The following CDH4 variants were observed in gnomAD, a reference collection of about 807,000 sequenced individuals.
CDH4 encodes cadherin 4.
Under a neutral mutation model 86.0 loss-of-function variants are expected in CDH4, and 33 were observed. That is an observed-to-expected ratio of 0.38 (90% CI 0.29 to 0.51). The LOEUF (loss-of-function observed/expected upper bound fraction) is 0.51. CDH4 is among the 20% of genes least tolerant of loss of function. The pLI is 0.86. For missense variants in CDH4, 1,114 were observed against 1,307.4 expected, an observed-to-expected ratio of 0.85 and a Z score of 2.28; for synonymous variants, 555 against 549.4, an observed-to-expected ratio of 1.01 and a Z score of -0.14.
At chr20:61,804,085 G>C (rs1979988012) in intron 4 of CDH4, among the ~76,000 whole-genome samples, 1 of 152,264 alleles carries the variant, frequency 6.6e-6, no homozygotes. Flanking sequence ...TGTTGGTAAG[G>C]AGGCACGACA....
At chr20:61,757,194 T>C (rs1304847584) in intron 3 of CDH4, among the ~76,000 whole-genome samples, 1 of 152,046 alleles carries the variant, frequency 6.6e-6, no homozygotes, top group Non-Finnish European at 1.5e-5. Flanking sequence ...AGAGCGTGTA[T>C]TGGTATCTCC....
rs117324637 is a variant in CDH4 at position 61,523,575 on chromosome 20, A to G, written c.170-219988A>G. Among the ~76,000 whole-genome samples the G allele has an allele frequency of 6.1e-3, 936 of 152,334 alleles. 8 individuals are homozygous for G. The highest frequency in any genetic ancestry group is 0.014 in the Middle Eastern group (4 of 294). On this transcript the variant is annotated intron_variant, in intron 2 of 15. Transcript: ENST00000614565. ...CTTTTTACTAAGGTTCATTCTATAA[A>G]CACCAGGGCAGATTGCAGCTGTCGT...
chr20:61,758,926 T>C lies in CDH4; in HGVS notation c.397-14077T>C, dbSNP rs527860515. On this transcript the variant is annotated intron_variant, in intron 3 of 15. Transcript: ENST00000614565. ...ACTAGAGCTGGTGTGTGTGTGCACCTGTGTGCATGGGTGTACACATGTATA... is the reference window on the plus strand; with the variant it reads ...ACTAGAGCTGGTGTGTGTGTGCACCCGTGTGCATGGGTGTACACATGTATA... Among the ~76,000 whole-genome samples, 3 of 152,308 alleles carry C rather than the reference T, an allele frequency of 2.0e-5. 1 individual carries two copies. The East Asian group carries it at 5.8e-4, about 30-fold the overall frequency.
At chr20:61,812,868 A>C (rs1444217306) in intron 4 of CDH4, among the ~76,000 whole-genome samples, 1 of 152,166 alleles carries the variant, frequency 6.6e-6, no homozygotes, top group Non-Finnish European at 1.5e-5. Flanking sequence ...CCTGCAGGCC[A>C]CCTGCACAGC....
chr20:61,553,505 T>G (rs190714740), intron 2 of CDH4, among the ~76,000 whole-genome samples: 1 of 152,348 alleles, frequency 6.6e-6, no homozygotes, highest in East Asian at 1.9e-4. Context: ...CTATTGCAGA[T>G]AAAGACGTGT....
At chr20:61,898,432 G>A (rs958145463) in intron 8 of CDH4, among the ~76,000 whole-genome samples, 3 of 152,202 alleles carry the variant, frequency 2.0e-5, no homozygotes, top group Non-Finnish European at 2.9e-5. Context: ...GGTCTGCTGC[G>A]CTAGAAGCTG....
intron 2 of CDH4, among the ~76,000 whole-genome samples, chr20:61,497,889 G>A (rs2085673607): frequency 6.6e-6 from 1 of 152,000 alleles, no homozygotes; most frequent in Admixed American, 6.5e-5. Flanking sequence ...AAAAAAGGAT[G>A]CGTTCATGTC....
At chr20:61,737,445 G>A (rs750670282) in intron 2 of CDH4, among the ~76,000 whole-genome samples, 52 of 152,102 alleles carry the variant, frequency 3.4e-4, no homozygotes, top group African/African-American at 5.6e-4. Flanking sequence ...CACCCTGCAC[G>A]GCTCCCCATC....
At chr20:61,502,715 A>G (rs771118833) in intron 2 of CDH4, among the ~76,000 whole-genome samples, 1 of 152,250 alleles carries the variant, frequency 6.6e-6, no homozygotes, top group Non-Finnish European at 1.5e-5. Flanking sequence ...ACAGTCGCCA[A>G]CATCACGAAG....
intron 14 of CDH4, among the ~76,000 whole-genome samples, chr20:61,933,786 G>A (rs989058145): frequency 6.6e-6 from 1 of 152,234 alleles, no homozygotes; most frequent in African/African-American, 2.4e-5. Context: ...GAGCAGCGTG[G>A]TGGTGAGGTC....
intron 2 of CDH4, among the ~76,000 whole-genome samples, chr20:61,371,471 C>T (rs1453875039): frequency 1.3e-5 from 2 of 152,246 alleles, no homozygotes; most frequent in Non-Finnish European, 2.9e-5. Context: ...TGCCAGCTCT[C>T]AGTGCCATCG....
At chr20:61,805,889 G>A (rs946564151) in intron 4 of CDH4, among the ~76,000 whole-genome samples, 8 of 152,226 alleles carry the variant, frequency 5.3e-5, no homozygotes, top group Non-Finnish European at 1.0e-4. Context: ...TTGCCCGGCA[G>A]TTGCCAGCTA....
chr20:61,680,343 GGGCAA>G (rs1240700331), intron 2 of CDH4, among the ~76,000 whole-genome samples: 1 of 152,248 alleles, frequency 6.6e-6, no homozygotes, highest in African/African-American at 2.4e-5. Flanking sequence ...GCGCTGGGCT[GGGCAA>G]GGCCCAAATG....
At chr20:61,546,756 G>A (rs1025446246) in intron 2 of CDH4, among the ~76,000 whole-genome samples, 1 of 152,134 alleles carries the variant, frequency 6.6e-6, no homozygotes, top group Admixed American at 6.5e-5. Flanking sequence ...GGAGGACCCA[G>A]GGCAACTTTC....
At chr20:61,479,224 A>C (rs1011685562) in intron 2 of CDH4, among the ~76,000 whole-genome samples, 1 of 151,710 alleles carries the variant, frequency 6.6e-6, no homozygotes, top group Non-Finnish European at 1.5e-5. Context: ...TAAATACTTT[A>C]AGTTCTAGGG....
intron 4 of CDH4, among the ~76,000 whole-genome samples, chr20:61,809,183 T>A (rs1462459342): frequency 6.6e-6 from 1 of 152,180 alleles, no homozygotes; most frequent in Admixed American, 6.5e-5. Context: ...TGTCCTTTTC[T>A]TGTACTATTC....
intron 2 of CDH4, among the ~76,000 whole-genome samples, chr20:61,398,719 C>G (rs1204323637): frequency 6.6e-6 from 1 of 152,240 alleles, no homozygotes; most frequent in Admixed American, 6.5e-5. Flanking sequence ...CCACCACATT[C>G]AGGCTGGGTA....
chr20:61,500,027 ACT>A (rs2085689365), intron 2 of CDH4, among the ~76,000 whole-genome samples: 1 of 152,040 alleles, frequency 6.6e-6, no homozygotes, highest in East Asian at 1.9e-4. Flanking sequence ...TAGTTTTATG[ACT>A]CTTGTTGCTA....
intron 2 of CDH4, among the ~76,000 whole-genome samples, chr20:61,306,756 A>G (rs986575593): frequency 6.6e-6 from 1 of 152,136 alleles, no homozygotes; most frequent in Non-Finnish European, 1.5e-5. Context: ...CCAGTCAAAC[A>G]CTGGGGCACG....
Sources: gnomAD v4.1 joint callset for allele counts (sites outside exome capture counted in the v4.1 genomes callset) on GRCh38, gnomAD v4.1.1 for gene constraint, MANE v1.5 for transcripts, NCBI Gene and HGNC (gene_info 2026-07-23, HGNC 2026-07-21) for gene names.